The following USH2A variants were observed in gnomAD, a reference collection of about 807,000 sequenced individuals.
USH2A encodes Usher syndrome 2A (autosomal recessive, mild).
In USH2A, 443 loss-of-function variants were observed where a neutral mutation model predicts 538.9. The ratio of observed to expected loss-of-function variants is 0.82; its 90% CI spans 0.76 to 0.89. The LOEUF (loss-of-function observed/expected upper bound fraction) is 0.89, where lower values mean the gene tolerates loss of function less well. Among genes scored for constraint, USH2A ranks in the 40% least tolerant of loss-of-function variants. The pLI is 0.00. For synonymous variants in USH2A, 2,413 were observed against 2,273.5 expected (o/e 1.06, Z -1.75); for missense variants, 6,633 against 6,324.8 (o/e 1.05, Z -1.65).
At chr1:216,370,937 G>A in intron 3 of USH2A, among the ~76,000 whole-genome samples, 1 of 152,084 alleles carries the variant, frequency 6.6e-6, no homozygotes, top group East Asian at 2.0e-4. Flanking sequence ...CTTACTACAT[G>A]CCCCTCATTG....
chr1:215,783,843 A>C (rs1661716185), intron 52 of USH2A, among the ~76,000 whole-genome samples: 1 of 152,194 alleles, frequency 6.6e-6, no homozygotes, highest in African/African-American at 2.4e-5. Flanking sequence ...CTGCCTGGCC[A>C]CCTGCTCATC....
Position 215,625,720 on chromosome 1 carries a change from C to A in USH2A, c.*61G>T. 1.3e-6 allele frequency: 2 copies of A among 1,486,500 alleles called. No individual in the cohort carries two copies. The highest frequency in any genetic ancestry group is 1.9e-6 in the Non-Finnish European group (2 of 1,064,204). 92.1% of individuals were successfully genotyped at this position (1,486,500 alleles called of 1,614,324 possible). On this transcript the variant is annotated 3_prime_UTR_variant, in exon 72 of 72. Transcript: ENST00000307340. ...AGCATTTATGATGTGTGAGTGATAA[C>A]CCAGGAGGAAATGGGTGCAGACCTT...
At chr1:216,231,259 A>AATATATATATATTATATATATT (rs2035679571) in intron 14 of USH2A, among the ~76,000 whole-genome samples, 1 of 98,116 alleles carries the variant, frequency 1.0e-5, no homozygotes, top group African/African-American at 3.6e-5. Context: ...TTATATATAT[A>AATATATATATATTATATATATT]ATATATATAT....
chr1:215,663,300 T>G (rs1415572702), intron 64 of USH2A, among the ~76,000 whole-genome samples: 1 of 152,230 alleles, frequency 6.6e-6, no homozygotes, highest in East Asian at 1.9e-4. Flanking sequence ...GTAGCAGGCA[T>G]CCTACTAGAC....
intron 70 of USH2A, among the ~76,000 whole-genome samples, chr1:215,630,478 GTGTGTATA>G (rs1270907136): frequency 3.1e-4 from 11 of 35,168 alleles, no homozygotes; most frequent in African/African-American, 8.6e-4. Context: ...GTGTATGTGT[GTGTGTATA>G]TATATATATA....
chr1:216,355,094 G>T (rs2038358320), intron 4 of USH2A, among the ~76,000 whole-genome samples: 1 of 151,910 alleles, frequency 6.6e-6, no homozygotes, highest in South Asian at 2.1e-4. Context: ...GATCATCTGA[G>T]GTCAGGAGTT....
At chr1:216,177,492 C>T (rs1161028911) in intron 20 of USH2A, among the ~76,000 whole-genome samples, 1 of 152,108 alleles carries the variant, frequency 6.6e-6, no homozygotes, top group Non-Finnish European at 1.5e-5. Context: ...CCTGTGAGTT[C>T]AGCAGTTTAC....
chr1:216,119,809 G>A (rs1310085424), intron 21 of USH2A, among the ~76,000 whole-genome samples: 1 of 151,988 alleles, frequency 6.6e-6, no homozygotes, highest in Non-Finnish European at 1.5e-5. Context: ...TTGGTAGCAG[G>A]CAATGTTGAT....
intron 62 of USH2A, among the ~76,000 whole-genome samples, chr1:215,676,826 CTAAT>C (rs2102668563): frequency 6.6e-6 from 1 of 152,264 alleles, no homozygotes; most frequent in Admixed American, 6.5e-5. Context: ...CGGCAAATCT[CTAAT>C]TAGTGTAAAA....
Position 215,759,801 on chromosome 1 carries a change from G to C in USH2A, c.11090C>G (p.Thr3697Arg). The change falls in exon 57 of 72, where the codon ACA (threonine) becomes AGA (arginine). Residue 3697 changes from threonine (T) to arginine (R), a missense_variant. Coordinates refer to ENST00000307340, the MANE Select transcript of USH2A (RefSeq NM_206933.4). The part of the protein sequence containing the change: ...TPRHIIINST[T>R]VELYWSLPEK... ...TGGCAGACTCCAATATAATTCCACT[G>C]TTGTAGAATTGATGATAATGTGTCG... is the stretch of plus-strand genomic sequence containing the variant. 6.2e-7 allele frequency: 1 copy of C among 1,614,006 alleles called. No homozygotes were observed. The highest frequency in any genetic ancestry group is 1.7e-5 in the Admixed American group (1 of 60,016).
chr1:215,772,496 A>G (rs1424284256), intron 55 of USH2A, among the ~76,000 whole-genome samples: 1 of 152,228 alleles, frequency 6.6e-6, no homozygotes, highest in Admixed American at 6.5e-5. Context: ...AAGAAGCATA[A>G]TATAACCAAA....
intron 11 of USH2A, among the ~76,000 whole-genome samples, chr1:216,283,160 C>T (rs543313113): frequency 2.0e-4 from 30 of 152,178 alleles, no homozygotes; most frequent in African/African-American, 5.5e-4. Flanking sequence ...GATCTCAGCT[C>T]ACTGCAAGCT....
At chr1:216,007,003 T>C (rs1324983413) in intron 32 of USH2A, among the ~76,000 whole-genome samples, 2 of 152,162 alleles carry the variant, frequency 1.3e-5, no homozygotes, top group African/African-American at 4.8e-5. Flanking sequence ...TGGGAGATAA[T>C]TGAATCATGG....
chr1:216,267,700 C>A (rs550168533), intron 11 of USH2A, among the ~76,000 whole-genome samples: 1 of 152,218 alleles, frequency 6.6e-6, no homozygotes, highest in Admixed American at 6.5e-5. Context: ...CATTTTACAG[C>A]ATTTTCTTGT....
chr1:215,767,105 G>A (rs779998022), intron 55 of USH2A, among the ~76,000 whole-genome samples: 9 of 152,114 alleles, frequency 5.9e-5, no homozygotes, highest in South Asian at 2.1e-4. Context: ...AGAGCACTCC[G>A]TCTCTCAAAG....
intron 40 of USH2A, among the ~76,000 whole-genome samples, chr1:215,889,976 T>C (rs910205848): frequency 1.3e-5 from 2 of 152,206 alleles, no homozygotes; most frequent in African/African-American, 4.8e-5. Flanking sequence ...AGTTTTTCAA[T>C]TGAAATTTCA....
At chr1:216,231,856 A>G (rs2035702145) in intron 14 of USH2A, 97 bp downstream of exon 14, 1 of 1,519,488 alleles carries the variant, frequency 6.6e-7, no homozygotes. Flanking sequence ...CCGGGCAAAA[A>G]AAATACTTTT....
intron 36 of USH2A, among the ~76,000 whole-genome samples, chr1:215,969,198 C>T (rs535411850): frequency 1.2e-4 from 19 of 152,250 alleles, no homozygotes; most frequent in African/African-American, 2.2e-4. Flanking sequence ...TAGGGAAAAG[C>T]GTTTGCATAC....
At chr1:215,743,488 G>C (rs1019456199) in intron 58 of USH2A, among the ~76,000 whole-genome samples, 153 bp from the exon 59 acceptor site, 1 of 145,488 alleles carries the variant, frequency 6.9e-6, no homozygotes, top group East Asian at 2.0e-4. Context: ...AAATAAAACA[G>C]AATGGGCAAC....
Sources: gnomAD v4.1 joint callset for allele counts (sites outside exome capture counted in the v4.1 genomes callset) on GRCh38, gnomAD v4.1.1 for gene constraint, MANE v1.5 for transcripts, NCBI Gene and HGNC (gene_info 2026-07-23, HGNC 2026-07-21) for gene names.